PROSER2: variants seen among roughly 807,000 people sequenced by gnomAD.
PROSER2 encodes proline and serine-rich protein 2.
A neutral mutation model predicts 14.6 loss-of-function variants in PROSER2; 18 were observed. The observed-to-expected ratio is 1.23, with a 90% CI of 0.85 to 1.83. The LOEUF is 1.83. PROSER2 is among the 40% of genes most tolerant of loss of function. PROSER2 has a pLI of 0.00. For missense variants in PROSER2, 823 were observed against 629.8 expected (o/e 1.31, Z -3.28); for synonymous variants, 367 against 286.4 (o/e 1.28, Z -2.84).
At chr10:11,859,652 C>T (rs1393838187) in intron 2 of PROSER2, among the ~76,000 whole-genome samples, 2 of 152,224 alleles carry the variant, frequency 1.3e-5, no homozygotes, top group Non-Finnish European at 2.9e-5. Flanking sequence ...GGAGCCTCCA[C>T]TGCGGGCTCC....
chr10:11,823,645 G>A lies in PROSER2; in HGVS notation c.-82+175G>A, dbSNP rs1367653284. ...AGGGGAGCCCGGCGCCGCCGCCGCA[G>A]AGGCCACCCGGTGCCCGACCCCCGA... On this transcript the variant is annotated intron_variant, in intron 1 of 3. Transcript: ENST00000277570. This position sits in a 1 kb window ranked among gnomAD's most constrained non-coding sequence, Gnocchi z 6.2. Among the ~76,000 whole-genome samples the A allele has an allele frequency of 6.6e-6, 1 of 152,014 alleles. No individual in the cohort carries two copies.
rs181171259 is a variant in PROSER2, at chr10:11,836,600, C to T, written c.-82+13130C>T. 1.2e-3 allele frequency among the ~76,000 whole-genome samples: 183 copies of T among 152,258 alleles called. 2 individuals are homozygous for T. Among genetic ancestry groups the T allele is most frequent in the Admixed American group, 0.012 (180 of 15,292 alleles). ...GGTATGCACGCCGGCCCCTTCCTAG[C>T]GTGTAGGTGTGCACTTTGACCCTGC... is the stretch of plus-strand genomic sequence containing the variant. On this transcript the variant is annotated intron_variant, in intron 1 of 3. Coordinates refer to ENST00000277570, the MANE Select transcript of PROSER2 (RefSeq NM_153256.4). This position sits in a 1 kb window ranked among gnomAD's most constrained non-coding sequence, Gnocchi z 4.6.
At chr10:11,843,913 A>G (rs151143299) in intron 1 of PROSER2, among the ~76,000 whole-genome samples, 45 of 151,560 alleles carry the variant, frequency 3.0e-4, no homozygotes, top group Non-Finnish European at 5.3e-4. Context: ...TTTTTTCTCA[A>G]TGGGATTGTT....
intron 1 of PROSER2, among the ~76,000 whole-genome samples, chr10:11,839,764 G>A (rs1314731150): frequency 6.7e-6 from 1 of 149,524 alleles, no homozygotes; most frequent in African/African-American, 2.5e-5. Flanking sequence ...GGCAGAGGTT[G>A]CAGTGAGCTG....
rs2131099737 is a variant in PROSER2 at position 11,869,891 on chromosome 10, C to T, written c.793C>T (p.Arg265Trp). ...SNIIVTNGAA[R>W]EPRRTLSRAA... is the part of the protein sequence containing the mutation. The stretch of plus-strand genomic sequence containing the variant: ...CATCATCGTCACCAACGGCGCGGCC[C>T]GGGAGCCCCGCAGGACCCTGTCCAG... The change falls in exon 4 of 4, where the codon CGG (arginine) becomes TGG (tryptophan). Residue 265 changes from arginine to tryptophan, a missense_variant. Arg to Trp is a moderately radical substitution (Grantham distance 101, BLOSUM62 -3). Coordinates refer to ENST00000277570, the MANE Select transcript of PROSER2 (RefSeq NM_153256.4). This position sits in a 1 kb window ranked among gnomAD's most constrained non-coding sequence, Gnocchi z 4.4. The T allele has an allele frequency of 3.1e-6, 5 of 1,589,446 alleles. No homozygotes were observed. Among genetic ancestry groups the T allele is most frequent in the East Asian group, 2.3e-5 (1 of 43,836 alleles).
chr10:11,834,925 G>A (rs1045934391), intron 1 of PROSER2, among the ~76,000 whole-genome samples: 1 of 151,936 alleles, frequency 6.6e-6, no homozygotes, highest in African/African-American at 2.4e-5. Flanking sequence ...TGGCCAACAT[G>A]GTGAAACCCT....
In PROSER2 at chr10:11,823,769, G is replaced by A. The variant is rs1449716630; in HGVS notation, c.-82+299G>A. On this transcript the variant is annotated intron_variant, in intron 1 of 3. Coordinates refer to ENST00000277570, the MANE Select transcript of PROSER2 (RefSeq NM_153256.4). This position sits in a 1 kb window ranked among gnomAD's most constrained non-coding sequence, Gnocchi z 6.2. ...GGGGCTATCCTGGGGGCTCAGGGGT[G>A]GAGGCGGGTTTCCCAGCCTTGGGCG... Among the ~76,000 whole-genome samples the A allele has an allele frequency of 2.0e-5, 3 of 152,134 alleles. No homozygotes were observed. The highest frequency in any genetic ancestry group is 2.0e-4 in the Admixed American group (3 of 15,284).
intron 1 of PROSER2, 29 bp from the exon 2 acceptor site, chr10:11,851,968 C>A: frequency 8.4e-7 from 1 of 1,191,722 alleles, no homozygotes; most frequent in Non-Finnish European, 1.1e-6. Context: ...GGCTTACTGA[C>A]CATTGTCATT....
chr10:11,834,795 G>A (rs550313802), intron 1 of PROSER2, among the ~76,000 whole-genome samples: 3 of 151,912 alleles, frequency 2.0e-5, no homozygotes, highest in Non-Finnish European at 2.9e-5. Context: ...AGAGTAAACT[G>A]GGATTTTAGA....
At chr10:11,851,339 C>T (rs1485499737) in intron 1 of PROSER2, 1 of 152,202 alleles carries the variant, frequency 6.6e-6, no homozygotes, top group Non-Finnish European at 1.5e-5. Flanking sequence ...ATAGTTTTAA[C>T]CTGGGGTACT....
chr10:11,870,757 A>ATTCT lies in PROSER2; in HGVS notation c.*353_*356dup, dbSNP rs943138769. 1 of 217,370 alleles carries ATTCT rather than the reference A, an allele frequency of 4.6e-6. No homozygotes were observed. Among genetic ancestry groups the ATTCT allele is most frequent in the African/African-American group, 2.3e-5 (1 of 43,318 alleles). The allele number at this position is 217,370 out of a possible 1,614,324, so 13.5% of individuals were successfully genotyped here. A position where few individuals can be genotyped will look rare whatever the true frequency, so the allele number is the denominator to read the frequency against. ...GAGGAGTAGGACTGGTCTGATTATC[A>ATTCT]TTCTTGAGTCTCATCTACCCTCTTC... On this transcript the variant is annotated 3_prime_UTR_variant, in exon 4 of 4. Transcript: ENST00000277570.
chr10:11,846,468 TTC>T (rs1833924876), intron 1 of PROSER2, among the ~76,000 whole-genome samples: 2 of 152,230 alleles, frequency 1.3e-5, no homozygotes, highest in African/African-American at 2.4e-5. Flanking sequence ...TCATTTTTCT[TTC>T]TGTCATTCTC....
At chr10:11,841,484 TTAAG>T in intron 1 of PROSER2, among the ~76,000 whole-genome samples, 1 of 152,354 alleles carries the variant, frequency 6.6e-6, no homozygotes, top group Non-Finnish European at 1.5e-5. Context: ...TTTTCCTAAC[TTAAG>T]TTAGATGCTT....
Position 11,869,457 on chromosome 10 carries a change from C to T in PROSER2, c.392-33C>T. On this transcript the variant is annotated intron_variant, in intron 3 of 3. Transcript: ENST00000277570. The surrounding 1 kb of genome is among the most constrained non-coding windows in gnomAD (Gnocchi z 4.4). ...TTCATGCATTTACTTTCACGTGGGC[C>T]GGTGGCTCACAGGCTCCTCCCTTGT... The T allele has an allele frequency of 2.0e-6, 3 of 1,532,526 alleles. No homozygotes were observed. The highest frequency in any genetic ancestry group is 2.7e-6 in the Non-Finnish European group (3 of 1,106,564). The allele number at this position is 1,532,526 out of a possible 1,614,324, so 94.9% of individuals were successfully genotyped here.
intron 1 of PROSER2, among the ~76,000 whole-genome samples, chr10:11,839,541 C>G (rs1195173972): frequency 6.6e-6 from 1 of 152,120 alleles, no homozygotes; most frequent in Non-Finnish European, 1.5e-5. Context: ...TATAATAACT[C>G]CTTGGCTGGG....
chr10:11,853,086 C>T (rs1464605812), intron 2 of PROSER2, among the ~76,000 whole-genome samples: 1 of 152,134 alleles, frequency 6.6e-6, no homozygotes, highest in Non-Finnish European at 1.5e-5. Context: ...CCCCGGGCCT[C>T]ACTAGGAACC....
chr10:11,870,456 G>A lies in PROSER2; in HGVS notation c.*50G>A, dbSNP rs983806386. On this transcript the variant is annotated 3_prime_UTR_variant, in exon 4 of 4. Coordinates refer to ENST00000277570, the MANE Select transcript of PROSER2 (RefSeq NM_153256.4). Reference sequence around the variant, plus strand: ...CCGTTTCTCCCCACCCTGAAGAGAGGGTGAAAGAGTCGCTGCACCCAGGAG... The same window carrying A: ...CCGTTTCTCCCCACCCTGAAGAGAGAGTGAAAGAGTCGCTGCACCCAGGAG... 2.2e-6 allele frequency: 3 copies of A among 1,368,712 alleles called. No homozygotes were observed. In the African/African-American group the frequency reaches 4.6e-5, roughly 21 times the overall value. 84.8% of individuals were successfully genotyped at this position (1,368,712 alleles called of 1,614,324 possible).
chr10:11,840,266 TAAAA>T (rs11290054), intron 1 of PROSER2, among the ~76,000 whole-genome samples: 1 of 145,088 alleles, frequency 6.9e-6, no homozygotes, highest in African/African-American at 2.5e-5. Flanking sequence ...TTGTTGTCAT[TAAAA>T]AAAAAAAAAA....
intron 1 of PROSER2, among the ~76,000 whole-genome samples, chr10:11,846,231 C>T (rs1833921833): frequency 6.6e-6 from 1 of 152,180 alleles, no homozygotes; most frequent in Non-Finnish European, 1.5e-5. Flanking sequence ...AAGTGATTCA[C>T]CTGCCTCGGC....
Sources: allele counts gnomAD v4.1 joint callset (sites outside exome capture counted in the v4.1 genomes callset), GRCh38; gene constraint gnomAD v4.1.1; non-coding constraint Gnocchi (gnomAD v3.1); transcripts MANE v1.5; gene names NCBI Gene and HGNC (gene_info 2026-07-23, HGNC 2026-07-21).